GALNT13: variants seen among roughly 807,000 people sequenced by gnomAD.
The protein encoded by GALNT13 is polypeptide N-acetylgalactosaminyltransferase 13.
GALNT13 carries 28 observed loss-of-function variants against 64.2 expected under a neutral mutation model. That is an observed-to-expected ratio of 0.44 (90% CI 0.32 to 0.60). The LOEUF is 0.60. Ranked by LOEUF, GALNT13 falls within the 20% of genes least tolerant of loss-of-function variation. The pLI is 0.05. For missense variants in GALNT13, 577 were observed against 669.8 expected (o/e 0.86, Z 1.53); for synonymous variants, 214 against 224.6 (o/e 0.95, Z 0.42).
intron 8 of GALNT13, among the ~76,000 whole-genome samples, chr2:154,268,940 G>A (rs1006618587): frequency 6.6e-6 from 1 of 151,986 alleles, no homozygotes; most frequent in Admixed American, 6.6e-5. Flanking sequence ...TAATTAACAA[G>A]ATCGAATTTA....
At chr2:153,174,205 C>G in the GALNT13 span, among the ~76,000 whole-genome samples, 1 of 152,138 alleles carries the variant, frequency 6.6e-6, no homozygotes, top group Admixed American at 6.6e-5. Flanking sequence ...GGCCTCTGAC[C>G]CACCCTGGGG....
the GALNT13 span, among the ~76,000 whole-genome samples, chr2:153,665,134 A>T: frequency 6.6e-6 from 1 of 152,194 alleles, no homozygotes; most frequent in Admixed American, 6.5e-5. Context: ...CTCACTTTCA[A>T]TGGGGACTAA....
At chr2:153,608,227 T>G in the GALNT13 span, among the ~76,000 whole-genome samples, 1 of 152,276 alleles carries the variant, frequency 6.6e-6, no homozygotes, top group Non-Finnish European at 1.5e-5. Context: ...CCAACTGTAT[T>G]TAAGCTTATA....
the GALNT13 span, among the ~76,000 whole-genome samples, chr2:153,822,653 C>T: frequency 6.6e-6 from 1 of 150,900 alleles, no homozygotes; most frequent in Admixed American, 6.6e-5. Context: ...GGAAGCATTC[C>T]CCTTAAGGAC....
the GALNT13 span, among the ~76,000 whole-genome samples, chr2:153,644,069 T>C: frequency 6.6e-6 from 1 of 151,708 alleles, no homozygotes; most frequent in Non-Finnish European, 1.5e-5. Context: ...TATGGTAAAA[T>C]AAGAAAAGTA....
At chr2:154,207,345 A>G (rs1007195281) in intron 4 of GALNT13, among the ~76,000 whole-genome samples, 1 of 152,042 alleles carries the variant, frequency 6.6e-6, no homozygotes, top group Non-Finnish European at 1.5e-5. Context: ...TCTCCTATTA[A>G]TAATCTGTTG....
the GALNT13 span, among the ~76,000 whole-genome samples, chr2:153,123,883 A>G: frequency 7.2e-5 from 11 of 152,212 alleles, no homozygotes; most frequent in Non-Finnish European, 1.3e-4. Flanking sequence ...CACATTTTGT[A>G]TAACCTCTTC....
intron 3 of GALNT13, among the ~76,000 whole-genome samples, chr2:154,036,885 A>G (rs1698688177): frequency 6.6e-6 from 1 of 152,218 alleles, no homozygotes; most frequent in African/African-American, 2.4e-5. Flanking sequence ...AATTTATTGT[A>G]TGTACATTGG....
the GALNT13 span, among the ~76,000 whole-genome samples, chr2:153,344,643 A>C: frequency 6.6e-6 from 1 of 152,196 alleles, no homozygotes; most frequent in African/African-American, 2.4e-5. Context: ...AGTTATAATT[A>C]TACAGGATGG....
At chr2:153,326,128 C>G in the GALNT13 span, among the ~76,000 whole-genome samples, 6 of 152,132 alleles carry the variant, frequency 3.9e-5, no homozygotes, top group African/African-American at 1.4e-4. Flanking sequence ...CTTTGTAGGT[C>G]TCCAAGAACT....
the GALNT13 span, among the ~76,000 whole-genome samples, chr2:153,347,364 C>T: frequency 6.6e-6 from 1 of 152,182 alleles, no homozygotes; most frequent in Non-Finnish European, 1.5e-5. Context: ...TGCACTGAGG[C>T]TCCAAGTCTT....
chr2:154,454,349 A>G (rs1485563615), downstream of GALNT13, among the ~76,000 whole-genome samples: 1 of 152,130 alleles, frequency 6.6e-6, no homozygotes, highest in Non-Finnish European at 1.5e-5. Context: ...TGGAACAATA[A>G]TGGAAAAATA....
intron 3 of GALNT13, among the ~76,000 whole-genome samples, chr2:154,099,708 C>G (rs1702251642): frequency 6.6e-6 from 1 of 152,036 alleles, no homozygotes. Flanking sequence ...GAAGCCAAAG[C>G]AAGAGGATTG....
At chr2:154,299,537 C>T (rs919057774) in intron 8 of GALNT13, among the ~76,000 whole-genome samples, 4 of 151,276 alleles carry the variant, frequency 2.6e-5, no homozygotes, top group Non-Finnish European at 5.9e-5. Context: ...TCAGTGCAAC[C>T]TCCGCCTCCC....
chr2:153,078,665 C>G, the GALNT13 span, among the ~76,000 whole-genome samples: 7 of 152,132 alleles, frequency 4.6e-5, no homozygotes, highest in African/African-American at 1.4e-4. Flanking sequence ...ACAAAGTATT[C>G]AGTAAATCAT....
chr2:154,304,319 A>G (rs1448970510), intron 9 of GALNT13, among the ~76,000 whole-genome samples: 1 of 152,222 alleles, frequency 6.6e-6, no homozygotes. Flanking sequence ...AAGAGCATGT[A>G]ATATTCAAAG....
chr2:153,434,034 G>A, the GALNT13 span, among the ~76,000 whole-genome samples: 1 of 152,036 alleles, frequency 6.6e-6, no homozygotes, highest in Admixed American at 6.6e-5. Context: ...TTGTGTTCAT[G>A]TGTTCTCATT....
At chr2:153,447,187 C>T in the GALNT13 span, among the ~76,000 whole-genome samples, 1 of 152,140 alleles carries the variant, frequency 6.6e-6, no homozygotes, top group Non-Finnish European at 1.5e-5. Flanking sequence ...TATTATTGCA[C>T]CTAAACTGAT....
chr2:154,156,410 T>A (rs1014201013), intron 4 of GALNT13, among the ~76,000 whole-genome samples: 1 of 152,086 alleles, frequency 6.6e-6, no homozygotes, highest in South Asian at 2.1e-4. Context: ...TTTTCCCCCA[T>A]GACACAGTTT....
Sources: gnomAD v4.1 joint callset for allele counts (sites outside exome capture counted in the v4.1 genomes callset) on GRCh38, gnomAD v4.1.1 for gene constraint, MANE v1.5 for transcripts, NCBI Gene and HGNC (gene_info 2026-07-23, HGNC 2026-07-21) for gene names.